The following LRRC75A variants were observed in gnomAD, a reference collection of about 807,000 sequenced individuals.
The protein encoded by LRRC75A is leucine-rich repeat-containing protein 75A.
A neutral mutation model predicts 26.0 loss-of-function variants in LRRC75A; 12 were observed. The ratio of observed to expected loss-of-function variants is 0.46; its 90% CI spans 0.30 to 0.75. LRRC75A has a LOEUF of 0.75. LRRC75A is among the 30% of genes least tolerant of loss of function. The probability of loss-of-function intolerance (pLI) is 0.08; values close to 1 mark genes in which losing one functional copy is unlikely to be tolerated. For synonymous variants in LRRC75A, 223 were observed against 219.3 expected (o/e 1.02, Z -0.15); for missense variants, 410 against 486.6 (o/e 0.84, Z 1.48).
At chr17:16,453,872 G>C (rs2093655535) in intron 2 of LRRC75A, among the ~76,000 whole-genome samples, 1 of 152,050 alleles carries the variant, frequency 6.6e-6, no homozygotes, top group Admixed American at 6.5e-5. Context: ...ACAGAGACCA[G>C]AACCCCTCTC....
intron 2 of LRRC75A, among the ~76,000 whole-genome samples, chr17:16,453,132 T>C (rs1031952116): frequency 2.6e-5 from 4 of 151,872 alleles, no homozygotes; most frequent in African/African-American, 9.7e-5. Flanking sequence ...CTACTAAAAA[T>C]ACAAAAATTA....
chr17:16,448,533 C>T (rs763442931), intron 2 of LRRC75A, among the ~76,000 whole-genome samples: 1 of 152,190 alleles, frequency 6.6e-6, no homozygotes, highest in Non-Finnish European at 1.5e-5. Context: ...CTGTCAGGCC[C>T]GTTGGCATCT....
intron 1 of LRRC75A, among the ~76,000 whole-genome samples, chr17:16,471,462 A>G (rs566795206): frequency 5.3e-5 from 8 of 152,208 alleles, no homozygotes; most frequent in Non-Finnish European, 1.0e-4. Context: ...CACCAGGCAA[A>G]AGGGAGAAGA....
In LRRC75A at chr17:16,462,484, C is replaced by T; in HGVS notation, c.247-98G>A. 6.6e-7 allele frequency: 1 copy of T among 1,514,582 alleles called. No homozygotes were observed. Among genetic ancestry groups the T allele is most frequent in the Non-Finnish European group, 8.9e-7 (1 of 1,122,466 alleles). 93.8% of individuals were successfully genotyped at this position (1,514,582 alleles called of 1,614,324 possible). A position where few individuals can be genotyped will look rare whatever the true frequency, so the allele number is the denominator to read the frequency against. On this transcript the variant is annotated intron_variant, in intron 1 of 3. Coordinates refer to ENST00000470794, the MANE Select transcript of LRRC75A (RefSeq NM_001113567.3). The surrounding 1 kb of genome is among the most constrained non-coding windows in gnomAD (Gnocchi z 4.6). The stretch of plus-strand genomic sequence containing the variant: ...TAGGCACAGACCCCTAGAGGCGACT[C>T]TGCCTCCCAGAGCCCCGGTGGGGAG...
chr17:16,454,934 T>TGTC (rs903756435), intron 2 of LRRC75A, among the ~76,000 whole-genome samples: 1 of 145,570 alleles, frequency 6.9e-6, no homozygotes, highest in Admixed American at 6.9e-5. Flanking sequence ...TTTCTTTTCT[T>TGTC]TTTTTTTTTT....
intron 1 of LRRC75A, among the ~76,000 whole-genome samples, chr17:16,477,190 T>C (rs974100564): frequency 1.3e-5 from 2 of 152,186 alleles, no homozygotes; most frequent in Non-Finnish European, 2.9e-5. Context: ...TAGCCTCAGA[T>C]GTTAATCACA....
chr17:16,488,354 C>A (rs962576026), intron 1 of LRRC75A, among the ~76,000 whole-genome samples: 1 of 152,208 alleles, frequency 6.6e-6, no homozygotes, highest in African/African-American at 2.4e-5. Context: ...CCAGACTGAA[C>A]CCTGGCCAGG....
chr17:16,475,740 TAAA>T (rs919880356), intron 1 of LRRC75A, among the ~76,000 whole-genome samples: 3 of 148,828 alleles, frequency 2.0e-5, no homozygotes, highest in Admixed American at 2.0e-4. Context: ...ACCAGCTAAT[TAAA>T]AAAAAAAATT....
At chr17:16,479,748 G>T (rs1422919044) in intron 1 of LRRC75A, among the ~76,000 whole-genome samples, 1 of 152,212 alleles carries the variant, frequency 6.6e-6, no homozygotes, top group African/African-American at 2.4e-5. Flanking sequence ...CCCTCGCTGG[G>T]AACACCTCTT....
intron 1 of LRRC75A, among the ~76,000 whole-genome samples, chr17:16,466,783 G>C (rs1199634527): frequency 2.0e-5 from 3 of 152,194 alleles, no homozygotes; most frequent in Non-Finnish European, 4.4e-5. Flanking sequence ...GGGAAGAGAT[G>C]ATGGGCTTGG....
At position 16,492,126 on chromosome 17, in the gene LRRC75A, G is replaced by A. The variant is rs2093858992; in HGVS notation, c.-136C>T. 1.4e-6 allele frequency: 1 copy of A among 724,382 alleles called. No individual in the cohort carries two copies. Among genetic ancestry groups the A allele is most frequent in the East Asian group, 1.2e-4 (1 of 8,368 alleles). The allele number at this position is 724,382 out of a possible 1,614,324, so 44.9% of individuals were successfully genotyped here. On this transcript the variant is annotated 5_prime_UTR_variant, in exon 1 of 4. Transcript: ENST00000470794. ...GGGAACTGTTGCGCGCGGGCGTCGC[G>A]GGGGCGGGCGGGCGGGCGGCTGTCG...
intron 1 of LRRC75A, among the ~76,000 whole-genome samples, chr17:16,483,343 A>G (rs1472247192): frequency 6.6e-6 from 1 of 152,172 alleles, no homozygotes; most frequent in Non-Finnish European, 1.5e-5. Flanking sequence ...GTCAGCTAGG[A>G]CTGCGGTCAG....
At chr17:16,475,915 G>A (rs1163101544) in intron 1 of LRRC75A, among the ~76,000 whole-genome samples, 4 of 152,074 alleles carry the variant, frequency 2.6e-5, no homozygotes, top group South Asian at 2.1e-4. Flanking sequence ...GGTGTTGGCC[G>A]GGCATGGTGG....
chr17:16,466,538 AG>A (rs11345038), intron 1 of LRRC75A, among the ~76,000 whole-genome samples: 3,107 of 152,298 alleles, frequency 0.02, 95 homozygotes, highest in African/African-American at 0.071. Context: ...TACCACCTCT[AG>A]GAACTGTGCC....
In LRRC75A at chr17:16,469,044, T is replaced by TA. The variant is rs528623493; in HGVS notation, c.247-6659dup. Among the ~76,000 whole-genome samples the TA allele has an allele frequency of 6.6e-5, 10 of 152,354 alleles. No individual in the cohort carries two copies. In the East Asian group the frequency reaches 1.9e-3, roughly 29 times the overall value. The stretch of plus-strand genomic sequence containing the variant: ...TGTTTCCTTTGGATTTACTTTCAGG[T>TA]ATTGGTCTGCAAACACAGACCTTTT... On this transcript the variant is annotated intron_variant, in intron 1 of 3. Transcript: ENST00000470794.
At chr17:16,444,314 G>A (rs891259987) in intron 3 of LRRC75A, among the ~76,000 whole-genome samples, 183 bp from the exon 4 acceptor site, 3 of 152,228 alleles carry the variant, frequency 2.0e-5, no homozygotes, top group Non-Finnish European at 4.4e-5. Flanking sequence ...TGACACTGCC[G>A]CACGTCTCAG....
At chr17:16,471,856 A>G (rs1399854011) in intron 1 of LRRC75A, among the ~76,000 whole-genome samples, 1 of 152,182 alleles carries the variant, frequency 6.6e-6, no homozygotes, top group African/African-American at 2.4e-5. Context: ...GTATCTAATC[A>G]TTCAAAGTAC....
At chr17:16,477,027 T>C (rs111591580) in intron 1 of LRRC75A, among the ~76,000 whole-genome samples, 2,334 of 152,098 alleles carry the variant, frequency 0.015, 17 homozygotes, top group Middle Eastern at 0.024. Flanking sequence ...CGTGAGCCAC[T>C]GCGCCCGGCC....
chr17:16,455,010 G>T (rs2093665591), intron 2 of LRRC75A, among the ~76,000 whole-genome samples: 1 of 151,456 alleles, frequency 6.6e-6, no homozygotes, highest in Admixed American at 6.6e-5. Flanking sequence ...TCAGCTCATT[G>T]CAACCTCCGT....
Sources: gnomAD v4.1 joint callset for allele counts (sites outside exome capture counted in the v4.1 genomes callset) on GRCh38, gnomAD v4.1.1 for gene constraint, Gnocchi (gnomAD v3.1) non-coding constraint, MANE v1.5 for transcripts, NCBI Gene and HGNC (gene_info 2026-07-23, HGNC 2026-07-21) for gene names.